CPNE4: variants seen among roughly 807,000 people sequenced by gnomAD.
CPNE4 encodes copine 4.
CPNE4 carries 25 observed loss-of-function variants against 67.9 expected under a neutral mutation model. The observed-to-expected ratio is 0.37, with a 90% CI of 0.27 to 0.51. CPNE4 has a LOEUF of 0.51. Among genes scored for constraint, CPNE4 ranks in the 20% least tolerant of loss-of-function variants. CPNE4 has a pLI of 0.93. For synonymous variants in CPNE4, 242 were observed against 244.9 expected (o/e 0.99, Z 0.11); for missense variants, 464 against 690.8 (o/e 0.67, Z 3.68).
intron 1 of CPNE4, among the ~76,000 whole-genome samples, chr3:131,933,171 C>T (rs369627444): frequency 4.1e-4 from 62 of 151,944 alleles, no homozygotes; most frequent in African/African-American, 1.0e-3. Context: ...CTTGACATCA[C>T]GTGAGTTCAT....
At chr3:131,955,423 T>TTTTTTTTTTTTTTG (rs2071928926) in intron 1 of CPNE4, among the ~76,000 whole-genome samples, 1 of 133,678 alleles carries the variant, frequency 7.5e-6, no homozygotes, top group East Asian at 2.1e-4. Flanking sequence ...TTTTTTTTTT[T>TTTTTTTTTTTTTTG]TTTTTTTTTT....
intron 2 of CPNE4, among the ~76,000 whole-genome samples, chr3:131,882,745 G>T: frequency 8.7e-6 from 1 of 114,712 alleles, no homozygotes. Flanking sequence ...TTTTTGAGAC[G>T]GAGTCTCGCT....
intron 2 of CPNE4, among the ~76,000 whole-genome samples, chr3:131,857,061 C>T (rs930272670): frequency 6.6e-6 from 1 of 152,016 alleles, no homozygotes; most frequent in Non-Finnish European, 1.5e-5. Flanking sequence ...TATATACATA[C>T]CACCTTGGAG....
rs550558569 is a variant in CPNE4, at chr3:131,575,188, A to G, written c.868-58T>C. Reference sequence around the variant, plus strand: ...AACAGCACAGTCTATTTCCTGATATATTGGAGGCCTAAAGGTTGGTGACTG... The same window carrying G: ...AACAGCACAGTCTATTTCCTGATATGTTGGAGGCCTAAAGGTTGGTGACTG... On this transcript the variant is annotated intron_variant, in intron 9 of 15. Coordinates refer to ENST00000429747, the MANE Select transcript of CPNE4 (RefSeq NM_130808.3). 1.2e-5 allele frequency: 17 copies of G among 1,448,894 alleles called. No homozygotes were observed. In the South Asian group the frequency reaches 1.3e-4, roughly 11 times the overall value. 89.8% of individuals were successfully genotyped at this position (1,448,894 alleles called of 1,614,324 possible).
intron 2 of CPNE4, among the ~76,000 whole-genome samples, chr3:131,762,421 G>A (rs1052444522): frequency 2.0e-5 from 3 of 152,044 alleles, no homozygotes; most frequent in Non-Finnish European, 2.9e-5. Flanking sequence ...TTCCCATTTT[G>A]TGGATGAAGA....
chr3:131,778,328 C>T (rs990016988), intron 2 of CPNE4, among the ~76,000 whole-genome samples: 7 of 152,064 alleles, frequency 4.6e-5, no homozygotes. Flanking sequence ...GAGCGTATGT[C>T]TAGCTCGAGT....
At chr3:131,698,456 A>G (rs1421444672) in intron 4 of CPNE4, among the ~76,000 whole-genome samples, 1 of 152,002 alleles carries the variant, frequency 6.6e-6, no homozygotes, top group African/African-American at 2.4e-5. Context: ...AGTGTCTTCA[A>G]AGAACACTTT....
chr3:131,880,916 T>C (rs1161435986), intron 2 of CPNE4, among the ~76,000 whole-genome samples: 1 of 152,210 alleles, frequency 6.6e-6, no homozygotes, highest in African/African-American at 2.4e-5. Context: ...GTTTTTGAAG[T>C]ATAACAGCTT....
At chr3:131,656,381 T>G (rs2079966171) in intron 7 of CPNE4, among the ~76,000 whole-genome samples, 1 of 152,156 alleles carries the variant, frequency 6.6e-6, no homozygotes, top group Admixed American at 6.5e-5. Context: ...CTAATTAACC[T>G]AATCACTAGC....
Position 131,880,876 on chromosome 3 carries a change from G to C in CPNE4, c.180+24388C>G, listed in dbSNP as rs552495096. On this transcript the variant is annotated intron_variant, in intron 2 of 15. Transcript: ENST00000429747. ...GTTATAATAGATTTTTCTTTGCTTA[G>C]CCAACAAGTTGGCCCATTGTTAGGA... is the stretch of plus-strand genomic sequence containing the variant. Among the ~76,000 whole-genome samples the C allele has an allele frequency of 1.3e-4, 20 of 152,288 alleles. No individual in the cohort carries two copies. The South Asian group carries it at 3.7e-3, about 28-fold the overall frequency.
chr3:132,026,815 C>T (rs1268109689), intron 1 of CPNE4, among the ~76,000 whole-genome samples: 1 of 151,966 alleles, frequency 6.6e-6, no homozygotes, highest in Non-Finnish European at 1.5e-5. Context: ...TGAGTCAAGG[C>T]CTCTCTTCTG....
chr3:131,995,273 G>C (rs1215347718), intron 1 of CPNE4, among the ~76,000 whole-genome samples: 1 of 152,068 alleles, frequency 6.6e-6, no homozygotes, highest in Non-Finnish European at 1.5e-5. Flanking sequence ...GTTGAGCCAG[G>C]ACTTAGATAT....
intron 2 of CPNE4, among the ~76,000 whole-genome samples, chr3:131,870,683 T>C (rs4854845): frequency 0.27 from 41,585 of 152,032 alleles, 5,913 homozygotes; most frequent in Admixed American, 0.35. Flanking sequence ...ATTAGTTTTG[T>C]TGGGACATAT....
chr3:131,679,367 A>T (rs181925360), intron 6 of CPNE4, among the ~76,000 whole-genome samples: 1,959 of 150,322 alleles, frequency 0.013, 26 homozygotes, highest in Non-Finnish European at 0.017. Context: ...AATATTATTA[A>T]AAAAAAACCT....
intron 7 of CPNE4, among the ~76,000 whole-genome samples, chr3:131,632,097 C>T (rs184558502): frequency 6.6e-6 from 1 of 151,322 alleles, no homozygotes; most frequent in East Asian, 2.0e-4. Context: ...GCAGCCTCCG[C>T]CTCCTGGGCG....
At chr3:131,799,016 A>C (rs1318298416) in intron 2 of CPNE4, among the ~76,000 whole-genome samples, 1 of 152,194 alleles carries the variant, frequency 6.6e-6, no homozygotes, top group Non-Finnish European at 1.5e-5. Flanking sequence ...TAGTCAATTA[A>C]AGACACTTTT....
chr3:131,692,637 T>C (rs2081059424), intron 5 of CPNE4, among the ~76,000 whole-genome samples: 1 of 152,184 alleles, frequency 6.6e-6, no homozygotes, highest in Non-Finnish European at 1.5e-5. Flanking sequence ...AGCTGAGCAG[T>C]GGGGACAGAG....
At chr3:131,635,938 G>A (rs1171669110) in intron 7 of CPNE4, among the ~76,000 whole-genome samples, 1 of 126,162 alleles carries the variant, frequency 7.9e-6, no homozygotes, top group South Asian at 2.4e-4. Flanking sequence ...AAAATTAGCC[G>A]GGCGTAGTGG....
At chr3:131,685,501 A>AG (rs1209474432) in intron 6 of CPNE4, among the ~76,000 whole-genome samples, 1 of 151,872 alleles carries the variant, frequency 6.6e-6, no homozygotes, top group African/African-American at 2.4e-5. Context: ...AAGTAAAAGG[A>AG]GGCTGGGCGC....
Sources: gnomAD v4.1 joint callset for allele counts (sites outside exome capture counted in the v4.1 genomes callset) on GRCh38, gnomAD v4.1.1 for gene constraint, MANE v1.5 for transcripts, NCBI Gene and HGNC (gene_info 2026-07-23, HGNC 2026-07-21) for gene names.